DCDC1: variants seen among roughly 807,000 people sequenced by gnomAD.
DCDC1 encodes doublecortin domain-containing protein 1.
In DCDC1, 200 loss-of-function variants were observed where a neutral mutation model predicts 178.3. The ratio of observed to expected loss-of-function variants is 1.12; its 90% confidence interval spans 1.00 to 1.26. The LOEUF (loss-of-function observed/expected upper bound fraction) is 1.26, where lower values mean the gene tolerates loss of function less well. Ranked by LOEUF, DCDC1 falls within the 50% of genes most tolerant of loss-of-function variation. DCDC1 has a pLI of 0.00. For missense variants in DCDC1, 1,983 were observed against 1,749.2 expected (o/e 1.13, Z -2.38); for synonymous variants, 690 against 604.8 (o/e 1.14, Z -2.07).
chr11:30,903,769 GA>G lies in DCDC1; in HGVS notation c.4309-87del, dbSNP rs60052413. 5.2e-3 allele frequency: 5,409 copies of G among 1,040,442 alleles called. 93 individuals are homozygous for G. The African/African-American group carries it at 0.052, about 10-fold the overall frequency. The allele number at this position is 1,040,442 out of a possible 1,614,324, so 64.5% of individuals were successfully genotyped here. ...TAAGAGCTTGTCATTCTAAAAATCT[GA>G]AAAAAAAAATAATTGAATTTGAGAA... On this transcript the variant is annotated intron_variant, in intron 31 of 38. Transcript: ENST00000684477.
At chr11:31,154,349 T>C (rs2136118419) in intron 9 of DCDC1, among the ~76,000 whole-genome samples, 1 of 152,342 alleles carries the variant, frequency 6.6e-6, no homozygotes, top group South Asian at 2.1e-4. Flanking sequence ...ACACTCAGAC[T>C]CTGCTCTGGT....
At chr11:31,071,649 T>C (rs1956569647) in intron 18 of DCDC1, among the ~76,000 whole-genome samples, 1 of 152,180 alleles carries the variant, frequency 6.6e-6, no homozygotes, top group African/African-American at 2.4e-5. Context: ...TTCAGTCACA[T>C]CATGGCCCTA....
At chr11:30,977,342 C>T (rs577022665) in intron 20 of DCDC1, among the ~76,000 whole-genome samples, 1 of 152,248 alleles carries the variant, frequency 6.6e-6, no homozygotes, top group Admixed American at 6.5e-5. Flanking sequence ...TTGAAAAGTT[C>T]CCAACACATA....
intron 20 of DCDC1, among the ~76,000 whole-genome samples, chr11:31,007,709 G>A (rs1382263551): frequency 1.3e-5 from 2 of 152,012 alleles, no homozygotes; most frequent in Admixed American, 1.3e-4. Context: ...TGTCTCCCAG[G>A]CTGGAGTGTA....
In DCDC1 at chr11:31,242,939, T is replaced by G. The variant is rs532861561; in HGVS notation, c.1055-1323A>C. Reference sequence around the variant, plus strand: ...ACAGGGTTCAAGATTTTGTTACTAATATAGTATAAAGTTAAGAGGAAATTA... The same window carrying G: ...ACAGGGTTCAAGATTTTGTTACTAAGATAGTATAAAGTTAAGAGGAAATTA... On this transcript the variant is annotated intron_variant, in intron 8 of 38. Transcript: ENST00000684477. Among the ~76,000 whole-genome samples the G allele has an allele frequency of 2.2e-3, 334 of 152,000 alleles. 2 individuals are homozygous for G. Among genetic ancestry groups the G allele is most frequent in the Non-Finnish European group, 4.0e-3 (270 of 67,874 alleles).
chr11:31,302,581 T>C (rs1948187714), intron 6 of DCDC1, among the ~76,000 whole-genome samples: 1 of 152,196 alleles, frequency 6.6e-6, no homozygotes, highest in Admixed American at 6.6e-5. Context: ...TATGATTAAA[T>C]ATTCAACTTT....
intron 8 of DCDC1, among the ~76,000 whole-genome samples, chr11:31,242,942 A>G (rs1412606205): frequency 1.3e-5 from 2 of 151,918 alleles, no homozygotes; most frequent in African/African-American, 4.8e-5. Flanking sequence ...TTACTAATAT[A>G]GTATAAAGTT....
At chr11:31,330,923 A>G (rs1052200069) in intron 2 of DCDC1, among the ~76,000 whole-genome samples, 1 of 152,056 alleles carries the variant, frequency 6.6e-6, no homozygotes, top group Non-Finnish European at 1.5e-5. Context: ...AGTTTTTCCA[A>G]TTCTGTGAAG....
intron 20 of DCDC1, among the ~76,000 whole-genome samples, chr11:31,051,022 T>C (rs1955208241): frequency 6.6e-6 from 1 of 152,126 alleles, no homozygotes; most frequent in South Asian, 2.1e-4. Context: ...AGGCTAGTTG[T>C]TAAGCTAATC....
At chr11:31,290,478 C>T (rs1947144232) in intron 7 of DCDC1, among the ~76,000 whole-genome samples, 169 bp downstream of exon 7, 1 of 151,904 alleles carries the variant, frequency 6.6e-6, no homozygotes, top group Non-Finnish European at 1.5e-5. Context: ...GGTATTAGTG[C>T]AATAAGCAGA....
intron 32 of DCDC1, among the ~76,000 whole-genome samples, chr11:30,903,246 T>G (rs1944826841): frequency 1.3e-5 from 2 of 152,166 alleles, no homozygotes; most frequent in Admixed American, 1.3e-4. Flanking sequence ...ATTAATTATA[T>G]GCAGTTTATT....
intron 9 of DCDC1, among the ~76,000 whole-genome samples, chr11:31,223,069 T>C (rs1274611711): frequency 6.6e-6 from 1 of 152,184 alleles, no homozygotes; most frequent in Non-Finnish European, 1.5e-5. Context: ...ATAGTTACAT[T>C]GGTACAATCA....
chr11:30,873,354 T>TAGAG (rs1302235772), intron 38 of DCDC1, among the ~76,000 whole-genome samples: 108 of 141,216 alleles, frequency 7.6e-4, no homozygotes, highest in African/African-American at 2.4e-3. Flanking sequence ...CATATATATA[T>TAGAG]ATATATATAT....
At chr11:31,190,525 T>C (rs890631518) in intron 9 of DCDC1, among the ~76,000 whole-genome samples, 2 of 152,220 alleles carry the variant, frequency 1.3e-5, no homozygotes, top group East Asian at 3.9e-4. Flanking sequence ...CAAATTGTAA[T>C]TGCAAACACT....
intron 20 of DCDC1, among the ~76,000 whole-genome samples, chr11:31,022,892 A>G (rs987695828): frequency 6.6e-6 from 1 of 152,014 alleles, no homozygotes; most frequent in African/African-American, 2.4e-5. Context: ...TGACTAAAGG[A>G]TTGGATGAAT....
At chr11:31,335,112 A>C (rs899325269) in intron 2 of DCDC1, among the ~76,000 whole-genome samples, 6 of 152,116 alleles carry the variant, frequency 3.9e-5, no homozygotes, top group Admixed American at 3.3e-4. Flanking sequence ...GCAATGGTGG[A>C]TACCCCTCCT....
intron 9 of DCDC1, among the ~76,000 whole-genome samples, chr11:31,180,211 G>A (rs76660832): frequency 0.021 from 3,161 of 152,146 alleles, 96 homozygotes; most frequent in African/African-American, 0.071. Context: ...AATAAATACC[G>A]GTATTCTACT....
At chr11:31,331,722 T>A (rs965558016) in intron 2 of DCDC1, among the ~76,000 whole-genome samples, 1 of 152,240 alleles carries the variant, frequency 6.6e-6, no homozygotes, top group African/African-American at 2.4e-5. Context: ...ATCCCAGGGA[T>A]GAAGCCTACT....
At chr11:31,238,980 C>T (rs577011714) in intron 9 of DCDC1, among the ~76,000 whole-genome samples, 10 of 151,988 alleles carry the variant, frequency 6.6e-5, no homozygotes, top group Non-Finnish European at 1.2e-4. Flanking sequence ...CCTGACTTTT[C>T]TTTTAAAGCT....
Sources: gnomAD v4.1 joint callset for allele counts (sites outside exome capture counted in the v4.1 genomes callset) on GRCh38, gnomAD v4.1.1 for gene constraint, MANE v1.5 for transcripts, NCBI Gene and HGNC (gene_info 2026-07-23, HGNC 2026-07-21) for gene names.